CTXND1: variants seen among roughly 807,000 people sequenced by gnomAD.
The protein encoded by CTXND1 is cortexin domain-containing 1 protein.
intron 1 of CTXND1, among the ~76,000 whole-genome samples, chr15:80,234,503 A>C (rs1484326534): frequency 2.0e-5 from 3 of 147,212 alleles, no homozygotes; most frequent in South Asian, 4.3e-4. Context: ...TCTGAGAGGA[A>C]GTTTCACTCT....
intron 1 of CTXND1, among the ~76,000 whole-genome samples, chr15:80,210,345 C>A (rs1414473161): frequency 6.6e-6 from 1 of 152,112 alleles, no homozygotes; most frequent in African/African-American, 2.4e-5. Flanking sequence ...AATATTTTCC[C>A]CAAAATGTAA....
chr15:80,231,863 T>A (rs529536688), intron 1 of CTXND1, among the ~76,000 whole-genome samples: 35 of 152,366 alleles, frequency 2.3e-4, no homozygotes, highest in African/African-American at 8.4e-4. Context: ...GCATAATTTA[T>A]GTTTTGGAAG....
intron 2 of CTXND1, 68 bp downstream of exon 2, chr15:80,203,519 CCA>C (rs1178103460): frequency 6.6e-6 from 1 of 152,176 alleles, no homozygotes; most frequent in African/African-American, 2.4e-5. Context: ...ATATCTGTAA[CCA>C]CAGTCAACCA....
chr15:80,239,538 T>G (rs1010016301), intron 1 of CTXND1, among the ~76,000 whole-genome samples: 1 of 152,248 alleles, frequency 6.6e-6, no homozygotes, highest in Admixed American at 6.5e-5. Context: ...TCTCCCATGC[T>G]GGATGCTTCC....
intron 1 of CTXND1, among the ~76,000 whole-genome samples, chr15:80,239,446 A>G (rs1339481539): frequency 6.6e-6 from 1 of 152,224 alleles, no homozygotes; most frequent in Admixed American, 6.5e-5. Flanking sequence ...TCCACCCACA[A>G]TCTAATCAGC....
chr15:80,227,111 CTA>C (rs1434653001), intron 1 of CTXND1, among the ~76,000 whole-genome samples: 3 of 152,254 alleles, frequency 2.0e-5, no homozygotes, highest in African/African-American at 7.2e-5. Context: ...ACATCATTTT[CTA>C]TGTTTCCTCT....
Position 80,239,965 on chromosome 15 carries a change from CTTTA to C in CTXND1, c.-218+12038_-218+12041del, listed in dbSNP as rs1293950871. Among the ~76,000 whole-genome samples the C allele has an allele frequency of 2.0e-4, 31 of 152,098 alleles. No homozygotes were observed. The East Asian group carries it at 3.9e-3, about 19-fold the overall frequency. ...CTTTTGTTTTCATAATTTTGTATTA[CTTTA>C]TTTATTTATTTTTGAGACGGAGTTT... On this transcript the variant is annotated intron_variant, in intron 1 of 2. Transcript: ENST00000560778.
chr15:80,211,728 T>C lies in CTXND1; in HGVS notation c.-217-7988A>G, dbSNP rs1387940044. 2.6e-5 allele frequency among the ~76,000 whole-genome samples: 4 copies of C among 152,280 alleles called. No individual in the cohort carries two copies. In the East Asian group the frequency reaches 7.7e-4, roughly 29 times the overall value. On this transcript the variant is annotated intron_variant, in intron 1 of 2. Transcript: ENST00000560778. ...CAGTATGAGCTAACACCATTTTAGA[T>C]AAAAGTAAGAAAAGAGGGGTATTTC...
In CTXND1 at chr15:80,213,749, G is replaced by A. The variant is rs373084978; in HGVS notation, c.-217-10009C>T. On this transcript the variant is annotated intron_variant, in intron 1 of 2. Coordinates refer to ENST00000560778, the MANE Select transcript of CTXND1 (RefSeq NM_001352888.2). ...TATAACAATGAACACCTGAGGACGA[G>A]GAGCAACATCTTTAGGATTTTGAAG... Among the ~76,000 whole-genome samples, 5 of 152,294 alleles carry A rather than the reference G, an allele frequency of 3.3e-5. No homozygotes were observed. In the South Asian group the frequency reaches 6.2e-4, roughly 19 times the overall value.
At chr15:80,231,509 AG>A (rs1276537132) in intron 1 of CTXND1, among the ~76,000 whole-genome samples, 1 of 152,236 alleles carries the variant, frequency 6.6e-6, no homozygotes, top group Non-Finnish European at 1.5e-5. Flanking sequence ...GAAATTTATA[AG>A]CCAACTCCTC....
At chr15:80,224,531 G>A (rs1041942954) in intron 1 of CTXND1, among the ~76,000 whole-genome samples, 1 of 151,946 alleles carries the variant, frequency 6.6e-6, no homozygotes, top group African/African-American at 2.4e-5. Flanking sequence ...AGATTGTCTT[G>A]GATATTCCTG....
chr15:80,205,776 G>A (rs1893141642), intron 1 of CTXND1, among the ~76,000 whole-genome samples: 1 of 152,096 alleles, frequency 6.6e-6, no homozygotes, highest in Non-Finnish European at 1.5e-5. Flanking sequence ...TTGAGGCGAT[G>A]GATTTGAGAC....
intron 1 of CTXND1, among the ~76,000 whole-genome samples, chr15:80,230,885 C>A (rs7170527): frequency 1.3e-5 from 2 of 151,886 alleles, no homozygotes; most frequent in East Asian, 3.9e-4. Context: ...TGTTGAAACC[C>A]CATCTCTACT....
intron 1 of CTXND1, among the ~76,000 whole-genome samples, chr15:80,215,349 A>C (rs1893241350): frequency 6.6e-6 from 1 of 152,224 alleles, no homozygotes; most frequent in African/African-American, 2.4e-5. Context: ...TCCATTGAAC[A>C]GCTCAAACTC....
intron 1 of CTXND1, among the ~76,000 whole-genome samples, chr15:80,218,836 T>G (rs564425131): frequency 5.3e-5 from 8 of 152,184 alleles, no homozygotes; most frequent in African/African-American, 1.9e-4. Flanking sequence ...CAGAGGTGAG[T>G]ACCCTCCTGA....
intron 1 of CTXND1, among the ~76,000 whole-genome samples, chr15:80,217,029 C>T (rs531429405): frequency 2.0e-5 from 3 of 152,122 alleles, no homozygotes; most frequent in African/African-American, 4.8e-5. Context: ...GTGTGTGCAG[C>T]GACTTGACAC....
intron 1 of CTXND1, among the ~76,000 whole-genome samples, chr15:80,229,468 C>G (rs1207048828): frequency 6.6e-6 from 1 of 152,156 alleles, no homozygotes; most frequent in African/African-American, 2.4e-5. Flanking sequence ...TGAGTGCTGA[C>G]CAGGCAAACT....
rs374718628 is a variant in CTXND1, at chr15:80,227,769, G to C, written c.-217-24029C>G. On this transcript the variant is annotated intron_variant, in intron 1 of 2. Transcript: ENST00000560778. ...AGTTGTAATGTTTTTGCTGGTGGAG[G>C]GTCTTGCCTAGTCGTTGAAGGCTAC... Among the ~76,000 whole-genome samples, 34 of 152,286 alleles carry C rather than the reference G, an allele frequency of 2.2e-4. 2 individuals are homozygous for C. The highest frequency in any genetic ancestry group is 1.2e-3 in the Admixed American group (18 of 15,302).
rs1490956886 is a variant in CTXND1, at chr15:80,226,621, C to A, written c.-217-22881G>T. Among the ~76,000 whole-genome samples the A allele has an allele frequency of 2.6e-5, 4 of 152,194 alleles. No homozygotes were observed. The East Asian group carries it at 7.7e-4, about 29-fold the overall frequency. The stretch of plus-strand genomic sequence containing the variant: ...TCCACTTTCCCCAACTCCCCCACAG[C>A]TGAGTGATCCAGGGTCCCCTTGGCC... On this transcript the variant is annotated intron_variant, in intron 1 of 2. Coordinates refer to ENST00000560778, the MANE Select transcript of CTXND1 (RefSeq NM_001352888.2).
Sources: gnomAD v4.1 joint callset for allele counts (sites outside exome capture counted in the v4.1 genomes callset) on GRCh38, gnomAD v4.1.1 for gene constraint, MANE v1.5 for transcripts, NCBI Gene and HGNC (gene_info 2026-07-23, HGNC 2026-07-21) for gene names.